The following CBLB variants were observed in gnomAD, a reference collection of about 807,000 sequenced individuals.
CBLB encodes the protein E3 ubiquitin-protein ligase CBL-B.
In CBLB, 31 loss-of-function variants were observed where a neutral mutation model predicts 104.9. The observed-to-expected ratio is 0.30, with a 90% CI of 0.22 to 0.40. The LOEUF (loss-of-function observed/expected upper bound fraction) is 0.40, where lower values mean the gene tolerates loss of function less well. Among genes scored for constraint, CBLB ranks in the 10% least tolerant of loss-of-function variants. CBLB has a pLI of 1.00. For missense variants in CBLB, 1,062 were observed against 1,214.6 expected, an observed-to-expected ratio of 0.87 and a Z score of 1.87; for synonymous variants, 440 against 422.6, an observed-to-expected ratio of 1.04 and a Z score of -0.51.
At chr3:105,694,393 A>G (rs1281436270) in intron 12 of CBLB, among the ~76,000 whole-genome samples, 1 of 151,962 alleles carries the variant, frequency 6.6e-6, no homozygotes, top group Non-Finnish European at 1.5e-5. Flanking sequence ...ACAAGAAAAA[A>G]TTGAACACAT....
Position 105,720,188 on chromosome 3 carries a change from G to A in CBLB, c.1266C>T (p.Ile422=), listed in dbSNP as rs370027125. 4.0e-5 allele frequency: 65 copies of A among 1,613,770 alleles called. No homozygotes were observed. The highest frequency in any genetic ancestry group is 1.6e-4 in the Middle Eastern group (1 of 6,062). Reference sequence around the variant, plus strand: ...CATCTCTTGGATCAAAGGGGTCCACGATTATGGGCTCAGTTCCTTTTATTT... The same window carrying A: ...CATCTCTTGGATCAAAGGGGTCCACAATTATGGGCTCAGTTCCTTTTATTT... The part of the protein sequence containing the change: ...RCEIKGTEPI[I]VDPFDPRDEG... The change falls in exon 10 of 19, where the codon ATC becomes ATT. Residue 422 remains isoleucine, a synonymous_variant. Coordinates refer to ENST00000394030, the MANE Select transcript of CBLB (RefSeq NM_170662.5).
intron 10 of CBLB, among the ~76,000 whole-genome samples, chr3:105,709,215 C>G (rs2152802760): frequency 6.6e-6 from 1 of 152,012 alleles, no homozygotes; most frequent in Non-Finnish European, 1.5e-5. Flanking sequence ...CATGATTAGG[C>G]TTTCTTTTTA....
At position 105,658,895 on chromosome 3, in the gene CBLB, A is replaced by G. The variant is rs1475724900; in HGVS notation, c.*75T>C. The G allele has an allele frequency of 4.0e-5, 61 of 1,509,568 alleles. No individual in the cohort carries two copies. Among genetic ancestry groups the G allele is most frequent in the Non-Finnish European group, 4.8e-5 (52 of 1,089,420 alleles). 93.5% of individuals were successfully genotyped at this position (1,509,568 alleles called of 1,614,324 possible). A position where few individuals can be genotyped will look rare whatever the true frequency, so the allele number is the denominator to read the frequency against. On this transcript the variant is annotated 3_prime_UTR_variant, in exon 19 of 19. Transcript: ENST00000394030. ...AGGAGACACTTCTCTCTTGAATTCCATCTCAGTTCTCTTTATTTCCACACT... is the reference window on the plus strand; with the variant it reads ...AGGAGACACTTCTCTCTTGAATTCCGTCTCAGTTCTCTTTATTTCCACACT...
intron 6 of CBLB, among the ~76,000 whole-genome samples, chr3:105,744,993 A>G (rs1227654577): frequency 6.6e-6 from 1 of 152,110 alleles, no homozygotes; most frequent in Non-Finnish European, 1.5e-5. Context: ...TACACCATAA[A>G]CCAAATAAAA....
chr3:105,728,908 C>T (rs1312979312), intron 9 of CBLB, among the ~76,000 whole-genome samples: 1 of 152,114 alleles, frequency 6.6e-6, no homozygotes, highest in East Asian at 1.9e-4. Context: ...CTGCGCATTT[C>T]TTAAGTTTTC....
Position 105,754,690 on chromosome 3 carries a change from A to T in CBLB, c.567-3072T>A, listed in dbSNP as rs62261490. Among the ~76,000 whole-genome samples, 989 of 152,356 alleles carry T rather than the reference A, an allele frequency of 6.5e-3. 11 individuals are homozygous for T. Among genetic ancestry groups the T allele is most frequent in the South Asian group, 0.018 (85 of 4,830 alleles). On this transcript the variant is annotated intron_variant, in intron 4 of 18. Transcript: ENST00000394030. ...CGCTTTTAAAATACAGTGAACAAGT[A>T]TAAGTAACTGTCAATCTACAAAGAA...
At chr3:105,683,585 C>A (rs1481533449) in intron 14 of CBLB, among the ~76,000 whole-genome samples, 1 of 151,974 alleles carries the variant, frequency 6.6e-6, no homozygotes, top group African/African-American at 2.4e-5. Context: ...CCCAAAGAGA[C>A]CAAAAAAAGC....
intron 4 of CBLB, among the ~76,000 whole-genome samples, chr3:105,772,317 A>G (rs553262317): frequency 1.3e-5 from 2 of 152,222 alleles, no homozygotes; most frequent in African/African-American, 4.8e-5. Flanking sequence ...CTGGCAGGCC[A>G]CATGTAGAAG....
intron 3 of CBLB, among the ~76,000 whole-genome samples, chr3:105,814,994 A>G (rs1304114503): frequency 6.9e-6 from 1 of 145,248 alleles, no homozygotes; most frequent in East Asian, 2.1e-4. Flanking sequence ...ATCCTTAGCC[A>G]CTAATATCCC....
chr3:105,815,160 T>A (rs1182786239), intron 3 of CBLB, among the ~76,000 whole-genome samples: 1 of 152,172 alleles, frequency 6.6e-6, no homozygotes, highest in Non-Finnish European at 1.5e-5. Context: ...TACTGTCTTT[T>A]GTAAACCTAC....
At chr3:105,698,585 G>A (rs558994854) in intron 12 of CBLB, among the ~76,000 whole-genome samples, 4 of 139,000 alleles carry the variant, frequency 2.9e-5, no homozygotes, top group Non-Finnish European at 4.6e-5. Flanking sequence ...AAACCTAAGC[G>A]GCAGTTTTTA....
At chr3:105,805,585 C>G (rs901555911) in intron 3 of CBLB, among the ~76,000 whole-genome samples, 1 of 152,186 alleles carries the variant, frequency 6.6e-6, no homozygotes, top group Non-Finnish European at 1.5e-5. Flanking sequence ...GGATTACAGG[C>G]ATGAGCCACC....
In CBLB at chr3:105,720,035, T is replaced by C; in HGVS notation, c.1407+12A>G. 6.3e-7 allele frequency: 1 copy of C among 1,590,070 alleles called. No individual in the cohort carries two copies. Among genetic ancestry groups the C allele is most frequent in the Non-Finnish European group, 8.6e-7 (1 of 1,158,126 alleles). Reference sequence around the variant, plus strand: ...CACATCACCTTAACTAAACCCATGTTTCTAGTTTTACCTTTCGGACGTTTG... The same window carrying C: ...CACATCACCTTAACTAAACCCATGTCTCTAGTTTTACCTTTCGGACGTTTG... On this transcript the variant is annotated intron_variant, in intron 10 of 18. Coordinates refer to ENST00000394030, the MANE Select transcript of CBLB (RefSeq NM_170662.5).
intron 13 of CBLB, among the ~76,000 whole-genome samples, chr3:105,693,142 T>G (rs568594064): frequency 6.6e-6 from 1 of 151,948 alleles, no homozygotes; most frequent in Non-Finnish European, 1.5e-5. Flanking sequence ...TATTTTATGA[T>G]GTCAAACTGG....
chr3:105,752,917 A>C (rs2076719958), intron 4 of CBLB, among the ~76,000 whole-genome samples: 1 of 152,206 alleles, frequency 6.6e-6, no homozygotes, highest in Non-Finnish European at 1.5e-5. Flanking sequence ...ACACTTTGAG[A>C]GCCTACTATA....
chr3:105,808,263 A>G (rs1229506066), intron 3 of CBLB, among the ~76,000 whole-genome samples: 2 of 152,228 alleles, frequency 1.3e-5, no homozygotes, highest in African/African-American at 4.8e-5. Flanking sequence ...ACTTTAAAGA[A>G]GAAAATTTAT....
At chr3:105,724,651 G>A (rs532568122) in intron 9 of CBLB, among the ~76,000 whole-genome samples, 65 of 152,122 alleles carry the variant, frequency 4.3e-4, no homozygotes, top group African/African-American at 1.3e-3. Context: ...GAAAAAACTC[G>A]TATCTCTATA....
intron 3 of CBLB, among the ~76,000 whole-genome samples, chr3:105,816,479 G>A (rs1357083791): frequency 6.6e-6 from 1 of 151,992 alleles, no homozygotes; most frequent in Non-Finnish European, 1.5e-5. Flanking sequence ...TATACCTAAG[G>A]TTACAGGTAC....
chr3:105,704,772 C>G lies in CBLB; in HGVS notation c.1408-599G>C, dbSNP rs570143237. Among the ~76,000 whole-genome samples the G allele has an allele frequency of 2.6e-5, 4 of 151,048 alleles. No homozygotes were observed. The South Asian group carries it at 8.4e-4, about 32-fold the overall frequency. On this transcript the variant is annotated intron_variant, in intron 10 of 18. Coordinates refer to ENST00000394030, the MANE Select transcript of CBLB (RefSeq NM_170662.5). ...TTTCTTGAAACACAATGAACTATAT[C>G]TAGGAAAGTCTGTCTGTACTTCTGG...
Sources: allele counts gnomAD v4.1 joint callset (sites outside exome capture counted in the v4.1 genomes callset), GRCh38; gene constraint gnomAD v4.1.1; transcripts MANE v1.5; gene names NCBI Gene and HGNC (gene_info 2026-07-23, HGNC 2026-07-21).